Variants in PTGER3 observed in about 807,000 individuals in gnomAD.
The protein encoded by PTGER3 is prostaglandin E2 receptor EP3 subtype.
A neutral mutation model predicts 34.7 loss-of-function variants in PTGER3; 22 were observed. The observed-to-expected ratio is 0.63, with a 90% CI of 0.45 to 0.91. PTGER3 has a LOEUF of 0.91. PTGER3 is among the 40% of genes least tolerant of loss of function. The pLI is 0.00. For synonymous variants in PTGER3, 241 were observed against 230.1 expected (o/e 1.05, Z -0.43); for missense variants, 468 against 519.4 (o/e 0.90, Z 0.96).
intron 4 of PTGER3, among the ~76,000 whole-genome samples, chr1:70,856,399 C>T (rs1645804616): frequency 7.1e-6 from 1 of 141,844 alleles, no homozygotes; most frequent in South Asian, 2.2e-4. Flanking sequence ...GATATTGCAC[C>T]ATTGCACTCC....
chr1:70,880,692 A>G (rs1280739711), intron 4 of PTGER3, among the ~76,000 whole-genome samples: 2 of 150,464 alleles, frequency 1.3e-5, no homozygotes, highest in South Asian at 2.1e-4. Context: ...TCTGTCAAAA[A>G]AAAAAGAAAA....
chr1:70,887,768 T>G (rs986366973), intron 4 of PTGER3, among the ~76,000 whole-genome samples: 1 of 152,230 alleles, frequency 6.6e-6, no homozygotes, highest in African/African-American at 2.4e-5. Flanking sequence ...TTAGCTATTA[T>G]GTTCTAGCTG....
At chr1:71,042,553 G>C (rs965657156) in intron 1 of PTGER3, among the ~76,000 whole-genome samples, 18 of 151,950 alleles carry the variant, frequency 1.2e-4, no homozygotes, top group Non-Finnish European at 1.8e-4. Flanking sequence ...AAAAATTATA[G>C]AATATTTTTC....
chr1:70,952,930 T>C (rs780304618), exon 4 of PTGER3: 2 of 1,611,122 alleles, frequency 1.2e-6, no homozygotes. Flanking sequence ...ACTGTTGAGA[T>C]TCTGGTGTAC....
At chr1:70,862,273 A>G (rs1645943944) in intron 4 of PTGER3, 1 of 1,185,108 alleles carries the variant, frequency 8.4e-7, no homozygotes, top group East Asian at 4.9e-5. Flanking sequence ...TATTAATAGT[A>G]ACTGGTAAGT....
chr1:70,928,064 T>C (rs951848571), intron 4 of PTGER3, among the ~76,000 whole-genome samples: 1 of 151,036 alleles, frequency 6.6e-6, no homozygotes, highest in African/African-American at 2.4e-5. Context: ...TTAAAGATTA[T>C]GGCTTTAAAA....
chr1:70,921,106 TAA>T (rs1451757797), intron 4 of PTGER3, among the ~76,000 whole-genome samples: 3 of 151,964 alleles, frequency 2.0e-5, no homozygotes, highest in Non-Finnish European at 4.4e-5. Context: ...GAAAAATGAG[TAA>T]AAAAGAGCAA....
chr1:70,935,248 C>CT (rs2100516933), intron 4 of PTGER3, among the ~76,000 whole-genome samples: 1 of 152,216 alleles, frequency 6.6e-6, no homozygotes, highest in East Asian at 1.9e-4. Context: ...ATCAGCAATG[C>CT]TTTTTTCCTA....
intron 1 of PTGER3, among the ~76,000 whole-genome samples, chr1:71,046,119 A>G (rs1393482171): frequency 1.3e-5 from 2 of 150,112 alleles, no homozygotes; most frequent in Non-Finnish European, 3.0e-5. Context: ...GTCTCTACTA[A>G]AAATAAAAAA....
At chr1:70,991,458 G>T (rs561080950) in intron 2 of PTGER3, among the ~76,000 whole-genome samples, 9 of 152,194 alleles carry the variant, frequency 5.9e-5, no homozygotes, top group African/African-American at 7.2e-5. Context: ...GAATACTAGG[G>T]TATAGAGAAT....
chr1:70,958,917 C>G (rs939793463), intron 2 of PTGER3, among the ~76,000 whole-genome samples: 10 of 152,106 alleles, frequency 6.6e-5, no homozygotes, highest in Non-Finnish European at 7.4e-5. Flanking sequence ...TTTTCAGCAC[C>G]ATTTATTGAA....
At chr1:70,962,443 C>T (rs1255367717) in intron 2 of PTGER3, among the ~76,000 whole-genome samples, 1 of 150,752 alleles carries the variant, frequency 6.6e-6, no homozygotes, top group Non-Finnish European at 1.5e-5. Flanking sequence ...AGTCTGTTCC[C>T]TCACTGCCAA....
chr1:70,916,155 A>G lies in PTGER3; in HGVS notation c.*23+37608T>C, dbSNP rs542921327. ...AAAATGCTTACCACCACTAATCATC[A>G]GATAAATGCAAATCAAAACCACAAT... On this transcript the variant is annotated intron_variant, in intron 4 of 4. Coordinates refer to the PTGER3 transcript ENST00000370931. Among the ~76,000 whole-genome samples the G allele has an allele frequency of 6.6e-5, 10 of 152,212 alleles. No homozygotes were observed. The East Asian group carries it at 1.9e-3, about 29-fold the overall frequency.
At chr1:70,914,162 T>A (rs930646119) in intron 4 of PTGER3, among the ~76,000 whole-genome samples, 1 of 151,838 alleles carries the variant, frequency 6.6e-6, no homozygotes, top group African/African-American at 2.4e-5. Context: ...GGGAAATGGA[T>A]GAATGTGGCT....
chr1:70,855,308 G>A (rs1314393180), intron 4 of PTGER3, among the ~76,000 whole-genome samples: 1 of 152,104 alleles, frequency 6.6e-6, no homozygotes, highest in Non-Finnish European at 1.5e-5. Context: ...GGATGTCAGG[G>A]GCTGTGAGGA....
intron 4 of PTGER3, among the ~76,000 whole-genome samples, chr1:70,902,926 TC>T (rs1202499244): frequency 5.9e-5 from 9 of 152,160 alleles, no homozygotes; most frequent in Non-Finnish European, 1.3e-4. Context: ...ATGCCTCATG[TC>T]CTAATTCCCA....
At chr1:70,885,438 A>G (rs1646477983) in intron 4 of PTGER3, among the ~76,000 whole-genome samples, 1 of 152,244 alleles carries the variant, frequency 6.6e-6, no homozygotes. Context: ...TTTCTGTTCC[A>G]TAAGACTTTA....
chr1:71,017,603 T>C (rs1176568195), intron 1 of PTGER3, among the ~76,000 whole-genome samples: 1 of 152,104 alleles, frequency 6.6e-6, no homozygotes, highest in African/African-American at 2.4e-5. Context: ...GTTCTTATAA[T>C]AGTGAGTGAC....
At chr1:70,990,353 T>TCA (rs576448927) in intron 2 of PTGER3, among the ~76,000 whole-genome samples, 21,132 of 130,436 alleles carry the variant, frequency 0.16, 1,990 homozygotes, top group East Asian at 0.37. Context: ...CGAGACTGTC[T>TCA]CACACACACA....
Sources: allele counts gnomAD v4.1 joint callset (sites outside exome capture counted in the v4.1 genomes callset), GRCh38; gene constraint gnomAD v4.1.1; transcripts MANE v1.5; gene names NCBI Gene and HGNC (gene_info 2026-07-23, HGNC 2026-07-21).